The following TNS1 variants were observed in gnomAD, a reference collection of about 807,000 sequenced individuals.
TNS1 encodes the protein tensin 1.
Under a neutral mutation model 168.6 loss-of-function variants are expected in TNS1, and 62 were observed. The ratio of observed to expected loss-of-function variants is 0.37; its 90% CI spans 0.30 to 0.45. The LOEUF is 0.45. TNS1 is among the 20% of genes least tolerant of loss of function. The probability of loss-of-function intolerance (pLI) is 1.00; values close to 1 mark genes in which losing one functional copy is unlikely to be tolerated. For missense variants in TNS1, 2,240 were observed against 2,339.4 expected (o/e 0.96, Z 0.88); for synonymous variants, 934 against 933.2 (o/e 1.00, Z -0.02).
intron 3 of TNS1, among the ~76,000 whole-genome samples, chr2:217,976,011 TCCTCTCA>T (rs1250751915): frequency 6.6e-6 from 1 of 152,052 alleles, no homozygotes; most frequent in African/African-American, 2.4e-5. Context: ...CGTAACAAGT[TCCTCTCA>T]CCTCAGGGCC....
At chr2:217,980,264 C>T (rs1461785768) in intron 2 of TNS1, among the ~76,000 whole-genome samples, 2 of 152,132 alleles carry the variant, frequency 1.3e-5, no homozygotes, top group East Asian at 3.9e-4. Context: ...CACAGCAGGA[C>T]ATACTCCCCA....
At chr2:217,805,206 A>G (rs74897150) in intron 32 of TNS1, among the ~76,000 whole-genome samples, 9,584 of 150,476 alleles carry the variant, frequency 0.064, 336 homozygotes, top group South Asian at 0.086. Flanking sequence ...GTGACCCAGC[A>G]TTCTCTTCGC....
chr2:217,813,414 G>T lies in TNS1; in HGVS notation c.4862-107C>A. The T allele has an allele frequency of 9.6e-7, 1 of 1,039,546 alleles. No individual in the cohort carries two copies. Among genetic ancestry groups the T allele is most frequent in the Non-Finnish European group, 1.4e-6 (1 of 691,076 alleles). The allele number at this position is 1,039,546 out of a possible 1,614,324, so 64.4% of individuals were successfully genotyped here. On this transcript the variant is annotated intron_variant, in intron 26 of 32. Transcript: ENST00000682258. The surrounding 1 kb of genome is among the most constrained non-coding windows in gnomAD (Gnocchi z 4.0). ...CGCAGTGTGCGGGGCCAAGATGGGAGAAATGACTGAAGAGAGAACGTGGCT... is the reference window on the plus strand; with the variant it reads ...CGCAGTGTGCGGGGCCAAGATGGGATAAATGACTGAAGAGAGAACGTGGCT...
At chr2:217,855,127 A>G (rs889073632) in intron 18 of TNS1, among the ~76,000 whole-genome samples, 2 of 152,130 alleles carry the variant, frequency 1.3e-5, no homozygotes, top group African/African-American at 4.8e-5. Flanking sequence ...CATCACCCAC[A>G]GGGTAAAGCC....
chr2:217,844,521 T>C (rs548062316), intron 19 of TNS1, among the ~76,000 whole-genome samples: 12 of 152,246 alleles, frequency 7.9e-5, no homozygotes, highest in African/African-American at 2.9e-4. Flanking sequence ...TCTCCAAACA[T>C]TTTCTGTGCT....
Position 217,818,725 on chromosome 2 carries a change from T to G in TNS1, c.3607A>C (p.Ser1203Arg). The change falls in exon 24 of 33, where the codon AGT becomes CGT. Residue 1203 changes from serine to arginine, a missense_variant. Transcript: ENST00000682258. ...SVGSFPSGES[S>R]DQGPRTPTQP... ...GTGGGCGTCCGGGGACCCTGGTCAC[T>G]GCTCTCTCCCGACGGGAAACTCCCC... The G allele has an allele frequency of 6.2e-7, 1 of 1,613,556 alleles. No homozygotes were observed. The highest frequency in any genetic ancestry group is 8.5e-7 in the Non-Finnish European group (1 of 1,179,774).
At chr2:217,929,243 C>A (rs1485919368) in intron 3 of TNS1, among the ~76,000 whole-genome samples, 1 of 152,222 alleles carries the variant, frequency 6.6e-6, no homozygotes, top group African/African-American at 2.4e-5. Context: ...GGAGATTAGC[C>A]TCCAGACAAC....
intron 3 of TNS1, among the ~76,000 whole-genome samples, chr2:217,933,032 G>A (rs1956405218): frequency 1.3e-5 from 2 of 152,198 alleles, no homozygotes; most frequent in Admixed American, 6.5e-5. Context: ...ATCCATCTGG[G>A]GCCGAGTGGC....
chr2:217,980,534 G>A (rs1958021656), intron 2 of TNS1, among the ~76,000 whole-genome samples: 1 of 149,866 alleles, frequency 6.7e-6, no homozygotes, highest in Admixed American at 6.6e-5. Flanking sequence ...GAGAGAGAGA[G>A]AGAGAGAGAG....
At chr2:217,809,240 G>GTGC (rs1939965191) in intron 30 of TNS1, among the ~76,000 whole-genome samples, 3 of 68,224 alleles carry the variant, frequency 4.4e-5, no homozygotes, top group South Asian at 4.0e-4. Flanking sequence ...TGGATGGATG[G>GTGC]ATGGATGGAT....
upstream of TNS1, among the ~76,000 whole-genome samples, chr2:218,013,108 T>C (rs62182232): frequency 2.7e-5 from 4 of 150,464 alleles, no homozygotes; most frequent in Non-Finnish European, 5.9e-5. Flanking sequence ...AAAAAAAAAT[T>C]AGCGGTGCGT....
chr2:217,829,889 G>A (rs778399007), intron 22 of TNS1: 3 of 1,613,968 alleles, frequency 1.9e-6, no homozygotes, highest in Non-Finnish European at 2.5e-6. Flanking sequence ...TCCTCTGAGG[G>A]AAGACGAGAA....
At chr2:217,859,594 G>A (rs575398822) in intron 18 of TNS1, 1 of 1,502,554 alleles carries the variant, frequency 6.7e-7, no homozygotes, top group African/African-American at 1.4e-5. Context: ...ACATTTTGGA[G>A]GGCCTAACTT....
intron 1 of TNS1, among the ~76,000 whole-genome samples, chr2:217,991,271 A>T (rs1475552824): frequency 6.6e-6 from 1 of 152,168 alleles, no homozygotes; most frequent in Non-Finnish European, 1.5e-5. Context: ...GCCTGAGTCC[A>T]GACGGCAGCT....
At chr2:217,919,281 C>T (rs892203254) in intron 4 of TNS1, among the ~76,000 whole-genome samples, 2 of 152,230 alleles carry the variant, frequency 1.3e-5, no homozygotes, top group African/African-American at 4.8e-5. Context: ...CAAGTCACAA[C>T]AGAGGTGTGT....
intron 18 of TNS1, among the ~76,000 whole-genome samples, chr2:217,863,853 C>A (rs886888389): frequency 1.3e-5 from 2 of 152,056 alleles, no homozygotes; most frequent in African/African-American, 4.8e-5. Context: ...GGAGGAAGGG[C>A]CCGCTGCCTG....
intron 2 of TNS1, among the ~76,000 whole-genome samples, chr2:217,981,027 G>T (rs1040119790): frequency 3.9e-5 from 6 of 152,168 alleles, no homozygotes; most frequent in African/African-American, 4.8e-5. Flanking sequence ...TTCTGAAGTT[G>T]CCCTGGGTAA....
rs533146469 is a variant in TNS1, at chr2:217,841,836, C to T, written c.3008-5625G>A. Among the ~76,000 whole-genome samples, 5 of 152,324 alleles carry T rather than the reference C, an allele frequency of 3.3e-5. No homozygotes were observed. In the South Asian group the frequency reaches 1.0e-3, roughly 32 times the overall value. ...CACAGCCATCTGAGTGATCCTCTTT[C>T]CTGGGGAACCCCTTGTGCTTTTCTG... On this transcript the variant is annotated intron_variant, in intron 19 of 32. Transcript: ENST00000682258.
chr2:217,996,417 G>A (rs527707697), intron 1 of TNS1, among the ~76,000 whole-genome samples: 100 of 152,206 alleles, frequency 6.6e-4, no homozygotes, highest in Admixed American at 2.2e-3. Context: ...TCCCCAGTGG[G>A]GCTGCCGGCT....
Sources: allele counts gnomAD v4.1 joint callset (sites outside exome capture counted in the v4.1 genomes callset), GRCh38; gene constraint gnomAD v4.1.1; non-coding constraint Gnocchi (gnomAD v3.1); transcripts MANE v1.5; gene names NCBI Gene and HGNC (gene_info 2026-07-23, HGNC 2026-07-21).